MRPS28: variants seen among roughly 807,000 people sequenced by gnomAD.
MRPS28 encodes the protein mitochondrial ribosomal protein S28, also known as small ribosomal subunit protein bS1m.
In MRPS28, 7 loss-of-function variants were observed where a neutral mutation model predicts 10.8. The observed-to-expected ratio is 0.65, with a 90% confidence interval of 0.37 to 1.22. The LOEUF is 1.22. Among genes scored for constraint, MRPS28 ranks in the 50% most tolerant of loss-of-function variants. The pLI, the probability that MRPS28 is intolerant of heterozygous loss-of-function variation, is 0.02. For synonymous variants in MRPS28, 121 were observed against 93.3 expected (o/e 1.30, Z -1.71); for missense variants, 265 against 232.9 (o/e 1.14, Z -0.90).
At chr8:79,938,195 G>C (rs1162025436) in intron 2 of MRPS28, among the ~76,000 whole-genome samples, 1 of 149,352 alleles carries the variant, frequency 6.7e-6, no homozygotes, top group African/African-American at 2.4e-5. Context: ...CACCTATCAA[G>C]TGAAATCCGA....
intron 2 of MRPS28, among the ~76,000 whole-genome samples, chr8:79,981,054 C>T (rs960213241): frequency 5.3e-5 from 8 of 152,102 alleles, no homozygotes; most frequent in Admixed American, 3.3e-4. Flanking sequence ...CTGGGTCGGG[C>T]GCAGTGGCTC....
intron 2 of MRPS28, among the ~76,000 whole-genome samples, chr8:79,958,909 C>T (rs755178751): frequency 2.0e-4 from 31 of 152,026 alleles, no homozygotes; most frequent in Non-Finnish European, 4.0e-4. Context: ...GAGTCTTGTA[C>T]CAACACTGCC....
At chr8:79,949,558 A>C in intron 2 of MRPS28, among the ~76,000 whole-genome samples, 1 of 152,216 alleles carries the variant, frequency 6.6e-6, no homozygotes, top group East Asian at 1.9e-4. Flanking sequence ...TCCAGCATTC[A>C]ATCAAACTAC....
At chr8:80,013,058 C>G (rs1809095767) in intron 1 of MRPS28, among the ~76,000 whole-genome samples, 1 of 151,826 alleles carries the variant, frequency 6.6e-6, no homozygotes, top group African/African-American at 2.4e-5. Flanking sequence ...AACATCATAG[C>G]AAACTTAAAA....
chr8:79,991,909 GCTCT>G (rs33936648), intron 2 of MRPS28, among the ~76,000 whole-genome samples: 3,343 of 132,558 alleles, frequency 0.025, 56 homozygotes, highest in African/African-American at 0.043. Context: ...CTTCCTCCTT[GCTCT>G]CTCTCTCTCT....
At chr8:79,939,410 T>A (rs572482331) in intron 2 of MRPS28, among the ~76,000 whole-genome samples, 1 of 152,154 alleles carries the variant, frequency 6.6e-6, no homozygotes, top group Non-Finnish European at 1.5e-5. Flanking sequence ...CATACTTCCT[T>A]GCCTTGTTAA....
intron 2 of MRPS28, among the ~76,000 whole-genome samples, chr8:79,920,476 C>A (rs1271703764): frequency 6.6e-6 from 1 of 152,152 alleles, no homozygotes; most frequent in Non-Finnish European, 1.5e-5. Context: ...TTTTAATGAT[C>A]ACCATTCTAA....
intron 1 of MRPS28, among the ~76,000 whole-genome samples, chr8:80,004,344 G>A (rs538857798): frequency 1.1e-4 from 17 of 152,306 alleles, no homozygotes; most frequent in East Asian, 3.9e-4. Context: ...TCGCTGTTCC[G>A]CAGCCTCTGC....
intron 1 of MRPS28, among the ~76,000 whole-genome samples, chr8:80,021,679 C>T (rs955855991): frequency 6.6e-6 from 1 of 152,048 alleles, no homozygotes; most frequent in Admixed American, 6.6e-5. Context: ...CAAAAAATTA[C>T]CTTACAGGAA....
intron 2 of MRPS28, among the ~76,000 whole-genome samples, chr8:79,993,013 A>T (rs1808407910): frequency 6.6e-6 from 1 of 152,200 alleles, no homozygotes; most frequent in Non-Finnish European, 1.5e-5. Flanking sequence ...TGAAATTCTG[A>T]GTCCCTATGA....
At chr8:79,923,702 T>C (rs1810155175) in intron 2 of MRPS28, among the ~76,000 whole-genome samples, 1 of 152,120 alleles carries the variant, frequency 6.6e-6, no homozygotes, top group Non-Finnish European at 1.5e-5. Flanking sequence ...TTGGTGTGTT[T>C]CTTTTAACTT....
intron 2 of MRPS28, among the ~76,000 whole-genome samples, chr8:79,992,882 A>T (rs959902581): frequency 3.3e-5 from 5 of 152,244 alleles, no homozygotes; most frequent in Non-Finnish European, 2.9e-5. Context: ...ATCTTAGAGT[A>T]ATAACAAGGT....
intron 2 of MRPS28, among the ~76,000 whole-genome samples, chr8:79,919,372 ACT>A (rs1810008986): frequency 6.7e-6 from 1 of 149,930 alleles, no homozygotes; most frequent in Non-Finnish European, 1.5e-5. Flanking sequence ...AAAGAGTTTC[ACT>A]CTGTTACCCA....
intron 2 of MRPS28, among the ~76,000 whole-genome samples, chr8:79,934,056 T>A (rs1340713039): frequency 5.3e-5 from 8 of 152,198 alleles, no homozygotes; most frequent in African/African-American, 1.9e-4. Context: ...TTTTCCATGG[T>A]GACTATCTGA....
chr8:80,029,796 C>A lies in MRPS28; in HGVS notation c.213+240G>T, dbSNP rs1205538255. ...GCATTCAATCCCAGGAAAACAAGCG[C>A]AGTGTGGACAGACCCGGCCCAGTAC... On this transcript the variant is annotated intron_variant, in intron 1 of 2. Transcript: ENST00000276585. 9.2e-6 allele frequency: 14 copies of A among 1,521,422 alleles called. No individual in the cohort carries two copies. The East Asian group carries it at 3.5e-4, about 38-fold the overall frequency. The allele number at this position is 1,521,422 out of a possible 1,614,324, so 94.2% of individuals were successfully genotyped here.
intron 1 of MRPS28, among the ~76,000 whole-genome samples, chr8:80,011,127 AT>A (rs202004834): frequency 6.9e-6 from 1 of 145,048 alleles, no homozygotes; most frequent in African/African-American, 2.7e-5. Flanking sequence ...TTTTTTTTTT[AT>A]TTTTTTATTT....
At chr8:80,019,789 C>T (rs1050311931) in intron 1 of MRPS28, among the ~76,000 whole-genome samples, 1 of 151,998 alleles carries the variant, frequency 6.6e-6, no homozygotes, top group African/African-American at 2.4e-5. Flanking sequence ...CAACATTACA[C>T]AATATAAGGT....
rs200122760 is a variant in MRPS28 at position 79,926,141 on chromosome 8, GA to G, written c.396-6994del. 2.6e-5 allele frequency among the ~76,000 whole-genome samples: 4 copies of G among 151,486 alleles called. No homozygotes were observed. The South Asian group carries it at 8.4e-4, about 32-fold the overall frequency. ...TATGAATACATACATATGGAAAGGG[GA>G]AAAAAAACCAAAGAAACAGAAGGAG... On this transcript the variant is annotated intron_variant, in intron 2 of 2. Transcript: ENST00000276585.
At chr8:79,925,029 A>T (rs1810195625) in intron 2 of MRPS28, among the ~76,000 whole-genome samples, 1 of 152,172 alleles carries the variant, frequency 6.6e-6, no homozygotes, top group African/African-American at 2.4e-5. Flanking sequence ...TACACCATCA[A>T]GCACAGAAGC....
Sources: allele counts gnomAD v4.1 joint callset (sites outside exome capture counted in the v4.1 genomes callset), GRCh38; gene constraint gnomAD v4.1.1; transcripts MANE v1.5; gene names NCBI Gene and HGNC (gene_info 2026-07-23, HGNC 2026-07-21).